The following DDX20 variants were observed in gnomAD, a reference collection of about 807,000 sequenced individuals.
DDX20 encodes the protein DEAD-box helicase 20.
A neutral mutation model predicts 76.4 loss-of-function variants in DDX20; 61 were observed. The ratio of observed to expected loss-of-function variants is 0.80; its 90% confidence interval spans 0.65 to 0.99. DDX20 has a LOEUF of 0.99. Among genes scored for constraint, DDX20 ranks in the 50% least tolerant of loss-of-function variants. The pLI, the probability that DDX20 is intolerant of heterozygous loss-of-function variation, is 0.00. For synonymous variants in DDX20, 357 were observed against 357.4 expected, an observed-to-expected ratio of 1.00 and a Z score of 0.01; for missense variants, 976 against 996.8, an observed-to-expected ratio of 0.98 and a Z score of 0.28.
chr1:111,755,913 G>A lies in DDX20; in HGVS notation c.-12G>A. On this transcript the variant is annotated 5_prime_UTR_variant, in exon 1 of 11. Transcript: ENST00000369702. ...CCCCTTAAGCACCGCGAGATCTGAC[G>A]GCGCGGCTACCATGGCGGCGGCATT... is the stretch of plus-strand genomic sequence containing the variant. 6.4e-7 allele frequency: 1 copy of A among 1,565,782 alleles called. No individual in the cohort carries two copies. Among genetic ancestry groups the A allele is most frequent in the Middle Eastern group, 1.7e-4 (1 of 5,824 alleles).
At chr1:111,758,741 TTTGA>T (rs1195481230) in intron 2 of DDX20, among the ~76,000 whole-genome samples, 2 of 152,196 alleles carry the variant, frequency 1.3e-5, no homozygotes, top group Non-Finnish European at 2.9e-5. Context: ...TTTTTCCTTG[TTTGA>T]TTTTTTTATG....
rs1328218700 is a variant in DDX20 at position 111,766,228 on chromosome 1, A to G, written c.1804A>G (p.Ile602Val). The change falls in exon 11 of 11, where the codon ATT (isoleucine) becomes GTT (valine). Residue 602 changes from isoleucine to valine, a missense_variant. Coordinates refer to ENST00000369702, the MANE Select transcript of DDX20 (RefSeq NM_007204.5). ...AELVEDYEHY[I>V]KEGLEKPVEI... Reference sequence around the variant, plus strand: ...ATTGGTAGAGGATTATGAACATTATATTAAAGAGGGGTTAGAGAAACCTGT... The same window carrying G: ...ATTGGTAGAGGATTATGAACATTATGTTAAAGAGGGGTTAGAGAAACCTGT... 6.2e-7 allele frequency: 1 copy of G among 1,614,178 alleles called. No individual in the cohort carries two copies. The highest frequency in any genetic ancestry group is 1.7e-5 in the Admixed American group (1 of 60,032).
At chr1:111,760,124 G>A (rs1663642518) in intron 3 of DDX20, among the ~76,000 whole-genome samples, 1 of 152,176 alleles carries the variant, frequency 6.6e-6, no homozygotes, top group African/African-American at 2.4e-5. Flanking sequence ...GAGAAATGCA[G>A]TGACTTTCAG....
intron 2 of DDX20, 29 bp from the exon 3 acceptor site, chr1:111,759,371 C>CA: frequency 6.4e-7 from 1 of 1,564,918 alleles, no homozygotes; most frequent in Non-Finnish European, 8.7e-7. Flanking sequence ...TCCTCTGACT[C>CA]AAAGGTGTAA....
In DDX20 at chr1:111,760,783, C is replaced by T; in HGVS notation, c.758C>T (p.Ala253Val). Reference protein sequence around the residue: ...SATYPEFLANALTKYMRDPTF... With the variant: ...SATYPEFLANVLTKYMRDPTF... ...ACTTATCCCGAATTTTTGGCTAATG[C>T]TTTGACAAAGTACATGAGAGATCCC... is the stretch of plus-strand genomic sequence containing the variant. The change falls in exon 5 of 11, where the codon GCT becomes GTT. Residue 253 changes from alanine to valine, a missense_variant. Ala to Val is a moderately conservative substitution (Grantham distance 64). Around this residue, in one of 3 missense-constraint regions of DDX20, gnomAD observed 630 missense variants for 693.7 expected, o/e 0.91. Transcript: ENST00000369702. 1 of 1,613,884 alleles carries T rather than the reference C, an allele frequency of 6.2e-7. No individual in the cohort carries two copies. The highest frequency in any genetic ancestry group is 8.5e-7 in the Non-Finnish European group (1 of 1,179,916).
chr1:111,765,569 C>T (rs1663761904), intron 10 of DDX20, among the ~76,000 whole-genome samples, 168 bp from the exon 11 acceptor site: 1 of 152,122 alleles, frequency 6.6e-6, no homozygotes, highest in Admixed American at 6.5e-5. Context: ...TTCTTTATTA[C>T]AGGATTGCTT....
chr1:111,759,660 T>G (rs1441964924), intron 3 of DDX20, 92 bp downstream of exon 3: 15 of 1,291,308 alleles, frequency 1.2e-5, no homozygotes, highest in Non-Finnish European at 1.5e-5. Flanking sequence ...CTTTGATAAC[T>G]GTGATAATTA....
intron 2 of DDX20, among the ~76,000 whole-genome samples, chr1:111,759,081 T>C (rs909242873): frequency 2.0e-5 from 3 of 152,230 alleles, no homozygotes; most frequent in African/African-American, 7.2e-5. Context: ...GTGTAACCAT[T>C]TACATAGCAT....
At chr1:111,762,882 A>G in intron 9 of DDX20, 24 bp from the exon 10 acceptor site, 1 of 1,603,656 alleles carries the variant, frequency 6.2e-7, no homozygotes. Context: ...ATGATTTACT[A>G]CCTAACATTC....
chr1:111,762,957 T>C lies in DDX20; in HGVS notation c.1262T>C (p.Met421Thr). 1.2e-6 allele frequency: 2 copies of C among 1,603,146 alleles called. No homozygotes were observed. Among genetic ancestry groups the C allele is most frequent in the Non-Finnish European group, 8.5e-7 (1 of 1,170,340 alleles). ...TGTTGCCGGGGAGAGGAAGAAAATA[T>C]GATGATGAGAATTGCCCAGAAATGT... Reference protein sequence around the residue: ...TYCCRGEEENMMMRIAQKCNI... With the variant: ...TYCCRGEEENTMMRIAQKCNI... Residue 421 changes from methionine (M) to threonine (T), a missense_variant, in exon 10 of 11, where the codon ATG becomes ACG. Met to Thr is a moderately conservative substitution (Grantham distance 81). Coordinates refer to ENST00000369702, the MANE Select transcript of DDX20 (RefSeq NM_007204.5).
At chr1:111,762,559 C>A in intron 8 of DDX20, 118 bp from the exon 9 acceptor site, 4 of 941,746 alleles carry the variant, frequency 4.2e-6, no homozygotes, top group Non-Finnish European at 6.4e-6. Context: ...TTTTCCTCTG[C>A]TCCTCAGTAT....
At position 111,767,200 on chromosome 1, in the gene DDX20, T is replaced by C; in HGVS notation, c.*301T>C. On this transcript the variant is annotated 3_prime_UTR_variant, in exon 11 of 11. Transcript: ENST00000369702. The stretch of plus-strand genomic sequence containing the variant: ...TATAAGATCTTCCCAAAAGAAACAT[T>C]TAAAAAGATGACATATACCACCACT... 4.3e-6 allele frequency: 1 copy of C among 230,150 alleles called. No homozygotes were observed. Among genetic ancestry groups the C allele is most frequent in the South Asian group, 9.6e-5 (1 of 10,384 alleles). 14.3% of individuals were successfully genotyped at this position (230,150 alleles called of 1,614,324 possible).
intron 8 of DDX20, 62 bp from the exon 9 acceptor site, chr1:111,762,615 G>A: frequency 3.0e-6 from 4 of 1,331,780 alleles, no homozygotes; most frequent in East Asian, 4.6e-5. Context: ...AATATAATAT[G>A]CATTGGTATC....
At chr1:111,765,660 C>T in intron 10 of DDX20, 77 bp from the exon 11 acceptor site, 3 of 1,238,198 alleles carry the variant, frequency 2.4e-6, no homozygotes, top group Non-Finnish European at 3.4e-6. Flanking sequence ...TCATAGAAAA[C>T]TTTATGAAAT....
At position 111,765,858 on chromosome 1, in the gene DDX20, A is replaced by G; in HGVS notation, c.1434A>G (p.Lys478=). 1 of 1,614,184 alleles carries G rather than the reference A, an allele frequency of 6.2e-7. No individual in the cohort carries two copies. Among genetic ancestry groups the G allele is most frequent in the Non-Finnish European group, 8.5e-7 (1 of 1,180,018 alleles). ...AACCCTTAAAAAAGCAAATTCAGAA[A>G]ATAGAGAGAACCCTTCAAATTCAGA... ...PNQPLKKQIQ[K]IERTLQIQKA... The change falls in exon 11 of 11, where the codon AAA becomes AAG. Residue 478 remains lysine (K), a synonymous_variant. Transcript: ENST00000369702.
At position 111,766,653 on chromosome 1, in the gene DDX20, C is replaced by A. The variant is rs771020387; in HGVS notation, c.2229C>A (p.Ser743=). Residue 743 remains serine, a synonymous_variant, in exon 11 of 11, where the codon TCC becomes TCA. Transcript: ENST00000369702. ...GGAGAAACCTACCCAGGCGGTCTTC[C>A]TTCAGATTGCAGACTGAAGCCCAGG... ...QSRRNLPRRS[S]FRLQTEAQED... The A allele has an allele frequency of 1.7e-5, 27 of 1,614,150 alleles. No homozygotes were observed. Among genetic ancestry groups the A allele is most frequent in the Non-Finnish European group, 2.2e-5 (26 of 1,180,022 alleles).
Position 111,756,012 on chromosome 1 carries a change from C to A in DDX20, c.88C>A (p.Pro30Thr). Residue 30 changes from proline (P) to threonine (T), a missense_variant, in exon 1 of 11, where the codon CCA becomes ACA. By Grantham distance (38) the Pro-to-Thr change is conservative (BLOSUM62 -1). Around this residue, in one of 3 missense-constraint regions of DDX20, gnomAD observed 343 missense variants for 286.4 expected, o/e 1.20. Transcript: ENST00000369702. Reference protein sequence around the residue: ...AEHVAVQVPAPEPTPGPVRIL... With the variant: ...AEHVAVQVPATEPTPGPVRIL... ...GCATGTGGCCGTGCAGGTCCCGGCC[C>A]CAGAGCCAACACCCGGGCCTGTGAG... 6.2e-7 allele frequency: 1 copy of A among 1,609,104 alleles called. No homozygotes were observed.
At chr1:111,758,482 A>G (rs905008473) in intron 2 of DDX20, among the ~76,000 whole-genome samples, 1 of 150,180 alleles carries the variant, frequency 6.7e-6, no homozygotes. Context: ...TTTGTGATCT[A>G]GTCCCTGGAG....
chr1:111,759,697 G>A lies in DDX20; in HGVS notation c.565+129G>A, dbSNP rs544186185. ...TTTGATTAGAAATGAAGAGCAGGCCGGGCGCGGTGGCTCACGCCTGTAATC... is the reference window on the plus strand; with the variant it reads ...TTTGATTAGAAATGAAGAGCAGGCCAGGCGCGGTGGCTCACGCCTGTAATC... On this transcript the variant is annotated intron_variant, in intron 3 of 10. Coordinates refer to ENST00000369702, the MANE Select transcript of DDX20 (RefSeq NM_007204.5). The A allele has an allele frequency of 2.5e-4, 257 of 1,035,136 alleles. 7 individuals carry two copies. The South Asian group carries it at 3.9e-3, about 16-fold the overall frequency. The allele number at this position is 1,035,136 out of a possible 1,614,324, so 64.1% of individuals were successfully genotyped here.
Sources: allele counts gnomAD v4.1 joint callset (sites outside exome capture counted in the v4.1 genomes callset), GRCh38; gene constraint gnomAD v4.1.1; regional missense constraint gnomAD v4.1.1; transcripts MANE v1.5; gene names NCBI Gene and HGNC (gene_info 2026-07-23, HGNC 2026-07-21).